DLC1: variants seen among roughly 807,000 people sequenced by gnomAD.
The protein encoded by DLC1 is DLC1 Rho GTPase activating protein.
Under a neutral mutation model 140.3 loss-of-function variants are expected in DLC1, and 54 were observed. That is an observed-to-expected ratio of 0.38 (90% CI 0.31 to 0.48). DLC1 has a LOEUF of 0.48. DLC1 is among the 20% of genes least tolerant of loss of function. The pLI, the probability that DLC1 is intolerant of heterozygous loss-of-function variation, is 0.96. For missense variants in DLC1, 2,536 were observed against 1,907.0 expected (o/e 1.33, Z -6.14); for synonymous variants, 986 against 728.1 (o/e 1.35, Z -5.70).
intron 15 of DLC1, among the ~76,000 whole-genome samples, chr8:13,089,739 G>A (rs1444951767): frequency 1.3e-5 from 2 of 152,228 alleles, no homozygotes; most frequent in African/African-American, 4.8e-5. Flanking sequence ...GGTAGAGGCG[G>A]CATCAACATA....
At chr8:13,112,752 G>C (rs1820224511) in intron 6 of DLC1, among the ~76,000 whole-genome samples, 1 of 152,008 alleles carries the variant, frequency 6.6e-6, no homozygotes, top group Non-Finnish European at 1.5e-5. Flanking sequence ...TCACTACGTT[G>C]GCCAGGTTGG....
intron 4 of DLC1, among the ~76,000 whole-genome samples, chr8:13,380,827 C>A (rs1283547876): frequency 6.6e-6 from 1 of 152,196 alleles, no homozygotes; most frequent in Non-Finnish European, 1.5e-5. Flanking sequence ...GAGGAGAATG[C>A]ATTCAAGACC....
chr8:13,377,404 C>A (rs1391409485), intron 4 of DLC1, among the ~76,000 whole-genome samples: 1 of 152,116 alleles, frequency 6.6e-6, no homozygotes, highest in African/African-American at 2.4e-5. Flanking sequence ...AATTTGCCAG[C>A]CACAAGTGTC....
intron 1 of DLC1, among the ~76,000 whole-genome samples, chr8:13,566,293 G>A (rs1317935659): frequency 2.6e-5 from 4 of 152,156 alleles, no homozygotes; most frequent in African/African-American, 9.6e-5. Flanking sequence ...TAGCCAGAGG[G>A]GACCTGTATG....
At chr8:13,450,346 T>G (rs2116965164) in intron 2 of DLC1, among the ~76,000 whole-genome samples, 1 of 148,044 alleles carries the variant, frequency 6.8e-6, no homozygotes, top group South Asian at 2.1e-4. Context: ...TCCTAGCTAC[T>G]CAGGAAGCTG....
intron 2 of DLC1, among the ~76,000 whole-genome samples, chr8:13,475,976 T>C (rs1223974658): frequency 6.6e-6 from 1 of 152,254 alleles, no homozygotes; most frequent in African/African-American, 2.4e-5. Context: ...CACTGAATAC[T>C]GAACCTGTGA....
chr8:13,595,617 C>T (rs544171397), intron 1 of DLC1, among the ~76,000 whole-genome samples: 35 of 151,854 alleles, frequency 2.3e-4, no homozygotes, highest in Non-Finnish European at 4.3e-4. Flanking sequence ...TGAACAGTTT[C>T]GACTCTTATT....
intron 5 of DLC1, among the ~76,000 whole-genome samples, chr8:13,209,661 T>A (rs5009831): frequency 0.036 from 5,518 of 152,144 alleles, 346 homozygotes; most frequent in African/African-American, 0.13. Context: ...ACCATCCTCT[T>A]GGTACTGTCC....
chr8:13,548,517 A>G (rs1053362071), intron 1 of DLC1, among the ~76,000 whole-genome samples: 1 of 152,048 alleles, frequency 6.6e-6, no homozygotes, highest in African/African-American at 2.4e-5. Context: ...TAAATGAATA[A>G]AGCTACAAGG....
Position 13,099,379 on chromosome 8 carries a change from A to G in DLC1, c.2958T>C (p.Ser986=). 1.2e-6 allele frequency: 2 copies of G among 1,613,926 alleles called. No individual in the cohort carries two copies. Among genetic ancestry groups the G allele is most frequent in the African/African-American group, 1.3e-5 (1 of 75,002 alleles). Residue 986 remains serine, a synonymous_variant, in exon 9 of 18, where the codon TCT becomes TCC. Coordinates refer to ENST00000276297, the MANE Select transcript of DLC1 (RefSeq NM_182643.3). ...EPSEIPERRD[S]GVGASLTRSN... is the part of the protein sequence containing the mutation. ...ACCTGGTTAGGGAAGCCCCAACCCCAGAATCCCTTCTTTCCGGGATCTCGG... is the reference window on the plus strand; with the variant it reads ...ACCTGGTTAGGGAAGCCCCAACCCCGGAATCCCTTCTTTCCGGGATCTCGG...
At chr8:13,112,317 T>G (rs1041661583) in intron 6 of DLC1, among the ~76,000 whole-genome samples, 4 of 152,174 alleles carry the variant, frequency 2.6e-5, no homozygotes, top group African/African-American at 9.7e-5. Flanking sequence ...TTTCTTATGA[T>G]TACTGGTTTT....
intron 2 of DLC1, among the ~76,000 whole-genome samples, chr8:13,455,381 A>G (rs289548): frequency 0.5 from 75,924 of 151,808 alleles, 19,619 homozygotes; most frequent in African/African-American, 0.62. Context: ...GACATTCAGA[A>G]CAGGAGCCAA....
intron 4 of DLC1, among the ~76,000 whole-genome samples, chr8:13,307,533 C>T (rs73212274): frequency 4.6e-3 from 703 of 152,214 alleles, no homozygotes; most frequent in Non-Finnish European, 8.2e-3. Context: ...AAGTCTAGCC[C>T]CTAAATTTAC....
chr8:13,562,036 C>A (rs1804262337), intron 1 of DLC1, among the ~76,000 whole-genome samples: 1 of 151,638 alleles, frequency 6.6e-6, no homozygotes, highest in South Asian at 2.1e-4. Context: ...GAAGGTATGC[C>A]AAAAAAGGAG....
In DLC1 at chr8:13,453,387, G is replaced by GATATATATATATATATATATATATATAT. The variant is rs375440831; in HGVS notation, c.1023+45661_1023+45662insATATATATATATATATATATATATATAT. 1.5e-4 allele frequency among the ~76,000 whole-genome samples: 8 copies of GATATATATATATATATATATATATATAT among 52,440 alleles called. No homozygotes were observed. The East Asian group carries it at 2.4e-3, about 16-fold the overall frequency. The allele number at this position is 52,440 out of a possible 152,430, so 34.4% of individuals were successfully genotyped here. A position where few individuals can be genotyped will look rare whatever the true frequency, so the allele number is the denominator to read the frequency against. ...TTACTAAAAGAATAAGATGGCCCAG[G>GATATATATATATATATATATATATATAT]ATATATATATATATGTGTATATATA... On this transcript the variant is annotated intron_variant, in intron 2 of 17. Transcript: ENST00000276297.
intron 5 of DLC1, among the ~76,000 whole-genome samples, chr8:13,261,915 A>G (rs1192233219): frequency 2.0e-5 from 3 of 152,234 alleles, no homozygotes; most frequent in African/African-American, 4.8e-5. Context: ...ATTAAGCATT[A>G]AATAATAATT....
Position 13,100,414 on chromosome 8 carries a change from G to A in DLC1, c.1923C>T (p.Pro641=). The A allele has an allele frequency of 6.2e-7, 1 of 1,614,172 alleles. No homozygotes were observed. The highest frequency in any genetic ancestry group is 8.5e-7 in the Non-Finnish European group (1 of 1,180,040). The change falls in exon 9 of 18, where the codon CCC becomes CCT. Residue 641 remains proline (P), a synonymous_variant. Coordinates refer to ENST00000276297, the MANE Select transcript of DLC1 (RefSeq NM_182643.3). ...TGAAGCTGGACAGTTCCTTGGGAGA[G>A]GGCAGGCTGCCGAAAGAGTCGTCAT... is the stretch of plus-strand genomic sequence containing the variant. ...AGNDDSFGSL[P]SPKELSSFSF...
At chr8:13,428,447 A>G (rs1374306028) in intron 2 of DLC1, among the ~76,000 whole-genome samples, 2 of 152,220 alleles carry the variant, frequency 1.3e-5, no homozygotes, top group African/African-American at 2.4e-5. Context: ...TTACTGAATC[A>G]TTATGATATC....
At chr8:13,283,825 G>T (rs1394221220) in intron 5 of DLC1, among the ~76,000 whole-genome samples, 1 of 152,302 alleles carries the variant, frequency 6.6e-6, no homozygotes, top group East Asian at 1.9e-4. Flanking sequence ...TAGCAGTGTT[G>T]AGGTGACAGA....
Sources: gnomAD v4.1 joint callset for allele counts (sites outside exome capture counted in the v4.1 genomes callset) on GRCh38, gnomAD v4.1.1 for gene constraint, MANE v1.5 for transcripts, NCBI Gene and HGNC (gene_info 2026-07-23, HGNC 2026-07-21) for gene names.